PDZD2: variants seen among roughly 807,000 people sequenced by gnomAD.
The protein encoded by PDZD2 is PDZ domain-containing protein 2.
PDZD2 carries 90 observed loss-of-function variants against 220.7 expected under a neutral mutation model. The observed-to-expected ratio is 0.41, with a 90% CI of 0.34 to 0.49. The LOEUF is 0.49. Among genes scored for constraint, PDZD2 ranks in the 20% least tolerant of loss-of-function variants. The pLI is 0.28. For missense variants in PDZD2, 3,174 were observed against 3,608.5 expected, an observed-to-expected ratio of 0.88 and a Z score of 3.08; for synonymous variants, 1,375 against 1,450.5, an observed-to-expected ratio of 0.95 and a Z score of 1.18.
intron 16 of PDZD2, 147 bp downstream of exon 16, chr5:32,071,565 A>C (rs1740747708): frequency 2.9e-6 from 2 of 687,216 alleles, no homozygotes; most frequent in Admixed American, 2.4e-5. Flanking sequence ...AACAATGCTC[A>C]TTTGAGAATA....
intron 2 of PDZD2, among the ~76,000 whole-genome samples, chr5:31,829,864 T>C (rs1274509130): frequency 1.3e-5 from 2 of 151,676 alleles, no homozygotes; most frequent in East Asian, 4.0e-4. Flanking sequence ...CTGGCCAACA[T>C]GGTGAAACCC....
intron 2 of PDZD2, among the ~76,000 whole-genome samples, chr5:31,867,790 C>T (rs1347892772): frequency 6.6e-6 from 1 of 150,970 alleles, no homozygotes; most frequent in Admixed American, 6.7e-5. Flanking sequence ...TTATATTCTT[C>T]TACATATGTG....
chr5:31,667,033 G>A (rs1191630839), intron 1 of PDZD2, among the ~76,000 whole-genome samples: 2 of 151,856 alleles, frequency 1.3e-5, no homozygotes, highest in Non-Finnish European at 2.9e-5. Context: ...TCAGGAGATC[G>A]AGACCATCCT....
intron 2 of PDZD2, among the ~76,000 whole-genome samples, chr5:31,802,323 C>T (rs1035995272): frequency 2.6e-5 from 4 of 152,136 alleles, no homozygotes; most frequent in African/African-American, 9.7e-5. Flanking sequence ...TCCAGAAGCC[C>T]ATAGAGGTTT....
intron 1 of PDZD2, among the ~76,000 whole-genome samples, chr5:31,787,477 A>G (rs949742514): frequency 1.3e-5 from 2 of 152,190 alleles, no homozygotes. Context: ...GGCCTTCAAT[A>G]TTCATGAGTC....
intron 5 of PDZD2, among the ~76,000 whole-genome samples, chr5:32,003,785 T>C (rs561386872): frequency 4.8e-4 from 73 of 152,298 alleles, no homozygotes; most frequent in Non-Finnish European, 6.0e-4. Flanking sequence ...GATCTTGGCT[T>C]ACTGCAACCT....
intron 2 of PDZD2, among the ~76,000 whole-genome samples, chr5:31,807,430 C>T (rs1387262164): frequency 6.6e-6 from 1 of 152,180 alleles, no homozygotes; most frequent in Non-Finnish European, 1.5e-5. Flanking sequence ...GTACTGAATA[C>T]AGCATCTGGC....
intron 1 of PDZD2, among the ~76,000 whole-genome samples, chr5:31,782,180 G>A (rs1245741360): frequency 6.6e-6 from 1 of 152,138 alleles, no homozygotes; most frequent in Non-Finnish European, 1.5e-5. Context: ...TTGGGGTGGG[G>A]TAGAGTAGGG....
chr5:31,835,005 A>G (rs1293763831), intron 2 of PDZD2, among the ~76,000 whole-genome samples: 1 of 152,116 alleles, frequency 6.6e-6, no homozygotes, highest in East Asian at 1.9e-4. Context: ...TCAAAAAGCA[A>G]GAAACATGAA....
intron 2 of PDZD2, among the ~76,000 whole-genome samples, chr5:31,948,044 A>G (rs1023501008): frequency 6.6e-6 from 1 of 152,230 alleles, no homozygotes; most frequent in Non-Finnish European, 1.5e-5. Flanking sequence ...GGCTCCAAAC[A>G]GAATCAGTAC....
At position 32,089,341 on chromosome 5, in the gene PDZD2, G is replaced by A. The variant is rs1178455240; in HGVS notation, c.5893G>A (p.Ala1965Thr). The change falls in exon 20 of 25, where the codon GCC becomes ACC. Residue 1965 changes from alanine to threonine, a missense_variant. This residue lies in a region of PDZD2 where 1,861 missense variants were observed against 2,001.0 expected (regional missense o/e 0.93). Transcript: ENST00000438447. ...QCVLESKPPL[A>T]TSGPLKPSVS... Reference sequence around the variant, plus strand: ...TGTGCTGGAAAGCAAGCCACCTCTTGCCACCTCTGGGCCACTGAAACCCTC... The same window carrying A: ...TGTGCTGGAAAGCAAGCCACCTCTTACCACCTCTGGGCCACTGAAACCCTC... The A allele has an allele frequency of 1.2e-6, 2 of 1,614,150 alleles. No individual in the cohort carries two copies. Among genetic ancestry groups the A allele is most frequent in the South Asian group, 1.1e-5 (1 of 91,080 alleles).
intron 2 of PDZD2, among the ~76,000 whole-genome samples, chr5:31,975,604 C>G (rs1316984790): frequency 6.6e-6 from 1 of 152,142 alleles, no homozygotes; most frequent in Non-Finnish European, 1.5e-5. Flanking sequence ...GTGACTTCCT[C>G]AGTCTCTTCC....
At chr5:31,951,598 T>C (rs537716217) in intron 2 of PDZD2, among the ~76,000 whole-genome samples, 1 of 152,378 alleles carries the variant, frequency 6.6e-6, no homozygotes, top group South Asian at 2.1e-4. Flanking sequence ...TGTTGTTTCA[T>C]GTTTCAGTAA....
intron 1 of PDZD2, chr5:31,725,839 G>T: frequency 1.2e-6 from 1 of 808,614 alleles, no homozygotes. Context: ...TCTCATTGCC[G>T]GAATGGCTTC....
At chr5:31,860,396 CCTG>C (rs1380648579) in intron 2 of PDZD2, among the ~76,000 whole-genome samples, 3 of 152,308 alleles carry the variant, frequency 2.0e-5, no homozygotes, top group Non-Finnish European at 4.4e-5. Flanking sequence ...CTTTCTCCCA[CCTG>C]CTAAGTTACC....
At chr5:31,694,752 T>TTC (rs1245502771) in intron 1 of PDZD2, among the ~76,000 whole-genome samples, 1 of 151,628 alleles carries the variant, frequency 6.6e-6, no homozygotes, top group Admixed American at 6.6e-5. Context: ...GCCTTTTTTT[T>TTC]TTTTCATATG....
chr5:32,016,034 G>T (rs181915676), intron 6 of PDZD2, among the ~76,000 whole-genome samples: 232 of 152,302 alleles, frequency 1.5e-3, no homozygotes, highest in African/African-American at 5.0e-3. Context: ...ACTTTTGGGC[G>T]ATTCAGGTTT....
intron 7 of PDZD2, among the ~76,000 whole-genome samples, chr5:32,045,969 T>G (rs1737913162): frequency 6.6e-6 from 1 of 152,148 alleles, no homozygotes; most frequent in Non-Finnish European, 1.5e-5. Flanking sequence ...TTTAGGTAAA[T>G]TGAAATTTTA....
rs540464894 is a variant in PDZD2 at position 31,707,037 on chromosome 5, G to A, written c.-361+67600G>A. 3.8e-4 allele frequency among the ~76,000 whole-genome samples: 57 copies of A among 151,472 alleles called. No individual in the cohort carries two copies. In the South Asian group the frequency reaches 0.012, roughly 31 times the overall value. The stretch of plus-strand genomic sequence containing the variant: ...ATCTTAAGGGTGGGGCCCTCATCCA[G>A]TAAGACTGGTGTCCTTCAAGAAAGC... On this transcript the variant is annotated intron_variant, in intron 1 of 24. Coordinates refer to ENST00000438447, the MANE Select transcript of PDZD2 (RefSeq NM_178140.4).
Sources: allele counts gnomAD v4.1 joint callset (sites outside exome capture counted in the v4.1 genomes callset), GRCh38; gene constraint gnomAD v4.1.1; regional missense constraint gnomAD v4.1.1; transcripts MANE v1.5; gene names NCBI Gene and HGNC (gene_info 2026-07-23, HGNC 2026-07-21).